The following AKAP13 variants were observed in gnomAD, a reference collection of about 807,000 sequenced individuals.
AKAP13 encodes the protein A-kinase anchoring protein 13, also known as A-kinase anchor protein 13.
In AKAP13, 80 loss-of-function variants were observed where a neutral mutation model predicts 264.5. The ratio of observed to expected loss-of-function variants is 0.30; its 90% CI spans 0.25 to 0.36. AKAP13 has a LOEUF of 0.36. Ranked by LOEUF, AKAP13 falls within the 10% of genes least tolerant of loss-of-function variation. The probability of loss-of-function intolerance (pLI) is 1.00; values close to 1 mark genes in which losing one functional copy is unlikely to be tolerated. For missense variants in AKAP13, 3,712 were observed against 3,435.2 expected (o/e 1.08, Z -2.01); for synonymous variants, 1,380 against 1,250.2 (o/e 1.10, Z -2.19).
At chr15:85,412,431 C>T (rs1165371306) in intron 1 of AKAP13, among the ~76,000 whole-genome samples, 1 of 152,116 alleles carries the variant, frequency 6.6e-6, no homozygotes, top group Non-Finnish European at 1.5e-5. Context: ...TTAAGCCAGA[C>T]ATTAAAGAGA....
chr15:85,701,324 C>G (rs1597109177), intron 17 of AKAP13: 2 of 152,220 alleles, frequency 1.3e-5, no homozygotes, highest in Middle Eastern at 3.4e-3. Flanking sequence ...ATAACCTTTG[C>G]TAGTTGTTCT....
Position 85,669,684 on chromosome 15 carries a change from T to A in AKAP13, c.4993-38T>A, listed in dbSNP as rs142355607. 5.7e-3 allele frequency: 8,060 copies of A among 1,421,662 alleles called. 59 individuals are homozygous for A. The highest frequency in any genetic ancestry group is 0.02 in the South Asian group (1,746 of 86,782). The allele number at this position is 1,421,662 out of a possible 1,614,324, so 88.1% of individuals were successfully genotyped here. ...ATGCTTATCTAGAAATATGAGAGTA[T>A]ATGCTTACAACGTGTTCTTCACTTT... On this transcript the variant is annotated intron_variant, in intron 13 of 36. Coordinates refer to ENST00000394518, the MANE Select transcript of AKAP13 (RefSeq NM_007200.5).
intron 1 of AKAP13, among the ~76,000 whole-genome samples, chr15:85,411,638 C>T (rs1412484394): frequency 1.3e-5 from 2 of 152,132 alleles, no homozygotes; most frequent in African/African-American, 4.8e-5. Flanking sequence ...AGGGTTTCAC[C>T]GTGTTACCCA....
chr15:85,717,150 C>T, intron 20 of AKAP13, 140 bp from the exon 21 acceptor site: 1 of 558,206 alleles, frequency 1.8e-6, no homozygotes. Flanking sequence ...TGCTGTGGCC[C>T]CGACATAAGC....
chr15:85,727,553 C>T lies in AKAP13; in HGVS notation c.7087+90C>T. On this transcript the variant is annotated intron_variant, in intron 29 of 36. Transcript: ENST00000394518. This position sits in a 1 kb window ranked among gnomAD's most constrained non-coding sequence, Gnocchi z 5.3. ...TGGATTTTAGAGGTACGGGTTTGCC[C>T]TCAGTTCTAAAGCTGCCCCAGCAGG... is the stretch of plus-strand genomic sequence containing the variant. The T allele has an allele frequency of 6.8e-7, 1 of 1,466,548 alleles. No homozygotes were observed. The highest frequency in any genetic ancestry group is 9.4e-7 in the Non-Finnish European group (1 of 1,059,654). The allele number at this position is 1,466,548 out of a possible 1,614,324, so 90.8% of individuals were successfully genotyped here.
At chr15:85,419,670 TTA>T (rs749685586) in intron 1 of AKAP13, among the ~76,000 whole-genome samples, 15 of 152,144 alleles carry the variant, frequency 9.9e-5, no homozygotes, top group Non-Finnish European at 2.1e-4. Flanking sequence ...TAACCAGTAT[TTA>T]TGTCTCATTT....
intron 2 of AKAP13, among the ~76,000 whole-genome samples, chr15:85,519,599 T>A (rs555809815): frequency 6.6e-6 from 1 of 152,346 alleles, no homozygotes; most frequent in African/African-American, 2.4e-5. Context: ...CAAAAATGTT[T>A]CCAAGAGAGA....
intron 8 of AKAP13, chr15:85,620,175 A>G: frequency 1.3e-6 from 2 of 1,535,948 alleles, no homozygotes; most frequent in South Asian, 1.2e-5. Context: ...TGCTGAAGGT[A>G]AGGGGGGCTG....
At chr15:85,573,928 A>G (rs905733922) in intron 5 of AKAP13, among the ~76,000 whole-genome samples, 11 of 152,242 alleles carry the variant, frequency 7.2e-5, no homozygotes, top group African/African-American at 2.7e-4. Context: ...CCATAGATGT[A>G]GTTTTTTATG....
chr15:85,632,199 A>G (rs971039602), intron 8 of AKAP13, among the ~76,000 whole-genome samples: 1 of 152,164 alleles, frequency 6.6e-6, no homozygotes. Context: ...AGGTAAATGT[A>G]TTACTCATTG....
chr15:85,399,498 G>A (rs1295049946), intron 1 of AKAP13, among the ~76,000 whole-genome samples: 5 of 40,114 alleles, frequency 1.2e-4, no homozygotes, highest in East Asian at 1.4e-3. Context: ...GCGAGACTCC[G>A]TCTCAAAAAA....
chr15:85,401,685 T>C (rs2071426434), intron 1 of AKAP13, among the ~76,000 whole-genome samples: 1 of 152,204 alleles, frequency 6.6e-6, no homozygotes, highest in South Asian at 2.1e-4. Flanking sequence ...AAATAGGACC[T>C]TGGTATCTCA....
At chr15:85,694,044 A>AC (rs2085436720) in intron 17 of AKAP13, among the ~76,000 whole-genome samples, 1 of 152,200 alleles carries the variant, frequency 6.6e-6, no homozygotes, top group South Asian at 2.1e-4. Flanking sequence ...TGATCTCTAA[A>AC]CCACTGCACG....
chr15:85,721,266 C>CT (rs1355883777), intron 23 of AKAP13, among the ~76,000 whole-genome samples: 1 of 152,218 alleles, frequency 6.6e-6, no homozygotes, highest in African/African-American at 2.4e-5. Flanking sequence ...GAGCAGATAA[C>CT]TTACCGTCCC....
At chr15:85,519,385 T>C (rs561573771) in intron 2 of AKAP13, among the ~76,000 whole-genome samples, 7 of 152,288 alleles carry the variant, frequency 4.6e-5, no homozygotes, top group Non-Finnish European at 8.8e-5. Context: ...TGGAATTGAC[T>C]TGTGGGTCAT....
chr15:85,687,218 A>G (rs372620404), intron 16 of AKAP13, among the ~76,000 whole-genome samples: 10 of 101,894 alleles, frequency 9.8e-5, no homozygotes, highest in South Asian at 9.0e-4. Context: ...ATGTCACACA[A>G]CCTCACACAA....
At position 85,741,395 on chromosome 15, in the gene AKAP13, G is replaced by A. The variant is rs954649620; in HGVS notation, c.7958G>A (p.Arg2653Gln). Residue 2653 changes from arginine (R) to glutamine (Q), a missense_variant, in exon 35 of 37, where the codon CGA (arginine) becomes CAA (glutamine). Physicochemically the swap from Arg to Gln is conservative, Grantham distance 43 (BLOSUM62 1). This residue lies in a region of AKAP13 where 611 missense variants were observed against 539.3 expected (regional missense o/e 1.13). Coordinates refer to ENST00000394518, the MANE Select transcript of AKAP13 (RefSeq NM_007200.5). Reference protein sequence around the residue: ...KKGTYQYDLERLRAAQKQLER... With the variant: ...KKGTYQYDLEQLRAAQKQLER... ...GGCACATACCAGTATGACCTGGAGCGACTGCGTGCTGCCCAGAAACAGCTT... is the reference window on the plus strand; with the variant it reads ...GGCACATACCAGTATGACCTGGAGCAACTGCGTGCTGCCCAGAAACAGCTT... The A allele has an allele frequency of 4.3e-6, 7 of 1,613,918 alleles. No homozygotes were observed. In the South Asian group the frequency reaches 4.4e-5, roughly 10 times the overall value.
Position 85,490,555 on chromosome 15 carries a change from A to G in AKAP13, c.33+4802A>G, listed in dbSNP as rs184864179. 1.1e-3 allele frequency among the ~76,000 whole-genome samples: 161 copies of G among 152,332 alleles called. 1 individual carries two copies. Among genetic ancestry groups the G allele is most frequent in the African/African-American group, 3.8e-3 (157 of 41,558 alleles). ...AGAGTGGATGGAATTAGTATAGTGG[A>G]CTGTGGTGTAGAAGACAAAGTGAGT... On this transcript the variant is annotated intron_variant, in intron 2 of 36. Coordinates refer to ENST00000394518, the MANE Select transcript of AKAP13 (RefSeq NM_007200.5).
chr15:85,487,742 T>A (rs1330770166), intron 2 of AKAP13, among the ~76,000 whole-genome samples: 3 of 150,806 alleles, frequency 2.0e-5, no homozygotes. Context: ...TTTATTTATG[T>A]ATTTATTGAG....
Sources: allele counts gnomAD v4.1 joint callset (sites outside exome capture counted in the v4.1 genomes callset), GRCh38; gene constraint gnomAD v4.1.1; regional missense constraint gnomAD v4.1.1; non-coding constraint Gnocchi (gnomAD v3.1); transcripts MANE v1.5; gene names NCBI Gene and HGNC (gene_info 2026-07-23, HGNC 2026-07-21).